PLCH1: variants seen among roughly 807,000 people sequenced by gnomAD.
PLCH1 encodes the protein 1-phosphatidylinositol 4,5-bisphosphate phosphodiesterase eta-1.
A neutral mutation model predicts 126.7 loss-of-function variants in PLCH1; 60 were observed. The observed-to-expected ratio is 0.47, with a 90% CI of 0.38 to 0.59. The LOEUF (loss-of-function observed/expected upper bound fraction) is 0.59, where lower values mean the gene tolerates loss of function less well. Ranked by LOEUF, PLCH1 falls within the 20% of genes least tolerant of loss-of-function variation. The pLI is 0.00. For missense variants in PLCH1, 1,723 were observed against 2,040.0 expected (o/e 0.84, Z 2.99); for synonymous variants, 719 against 734.9 (o/e 0.98, Z 0.35).
intron 2 of PLCH1, among the ~76,000 whole-genome samples, chr3:155,678,811 T>A (rs147677202): frequency 1.2e-3 from 190 of 152,306 alleles, no homozygotes; most frequent in African/African-American, 4.5e-3. Flanking sequence ...ATACAGTAGG[T>A]ACCTTATAGA....
At chr3:155,630,285 T>C (rs1445184340) in intron 2 of PLCH1, among the ~76,000 whole-genome samples, 1 of 152,288 alleles carries the variant, frequency 6.6e-6, no homozygotes, top group Admixed American at 6.5e-5. Context: ...CAGTGAATTT[T>C]AGCATTTAAA....
At chr3:155,519,314 A>T (rs930379573) in intron 11 of PLCH1, among the ~76,000 whole-genome samples, 1 of 152,180 alleles carries the variant, frequency 6.6e-6, no homozygotes, top group Non-Finnish European at 1.5e-5. Flanking sequence ...GGGGGAGAGC[A>T]GTCATTTCAT....
At chr3:155,650,445 C>T (rs1188212595) in intron 2 of PLCH1, among the ~76,000 whole-genome samples, 6 of 152,076 alleles carry the variant, frequency 3.9e-5, no homozygotes, top group South Asian at 2.1e-4. Flanking sequence ...TAGTAGGAAT[C>T]GCTATGACCA....
intron 10 of PLCH1, among the ~76,000 whole-genome samples, chr3:155,547,461 CCATTGTGGAAGT>C (rs1725506416): frequency 2.1e-5 from 3 of 139,888 alleles, no homozygotes; most frequent in Non-Finnish European, 3.2e-5. Flanking sequence ...ACTAGTTCAA[CCATTGTGGAAGT>C]CAGTGTGGCG....
At chr3:155,722,397 G>A (rs762008549) in intron 1 of PLCH1, among the ~76,000 whole-genome samples, 17 of 152,046 alleles carry the variant, frequency 1.1e-4, no homozygotes, top group Admixed American at 3.3e-4. Context: ...CCTGACCTCA[G>A]GTGATCAACC....
At chr3:155,677,703 A>G (rs1744199625) in intron 2 of PLCH1, among the ~76,000 whole-genome samples, 1 of 152,194 alleles carries the variant, frequency 6.6e-6, no homozygotes, top group African/African-American at 2.4e-5. Context: ...TAGAATCACA[A>G]TTATATATTA....
At position 155,608,945 on chromosome 3, in the gene PLCH1, C is replaced by T. The variant is rs146438995; in HGVS notation, c.80-12567G>A. On this transcript the variant is annotated intron_variant, in intron 2 of 22. Coordinates refer to ENST00000460012, the MANE Select transcript of PLCH1 (RefSeq NM_014996.4). ...CTGACTGGAGGTCAACCAACTCAAG[C>T]AATTACAGCAACTCAAGACAGAATA... is the stretch of plus-strand genomic sequence containing the variant. Among the ~76,000 whole-genome samples, 580 of 152,262 alleles carry T rather than the reference C, an allele frequency of 3.8e-3. 9 individuals are homozygous for T. The highest frequency in any genetic ancestry group is 0.013 in the African/African-American group (556 of 41,540).
At chr3:155,546,155 A>T (rs917685080) in intron 10 of PLCH1, among the ~76,000 whole-genome samples, 3 of 152,172 alleles carry the variant, frequency 2.0e-5, no homozygotes, top group African/African-American at 7.2e-5. Flanking sequence ...TCTCAGCCCA[A>T]AATCTCCTTA....
At chr3:155,488,549 A>G (rs1455840368) in intron 20 of PLCH1, 111 bp downstream of exon 20, 2 of 963,362 alleles carry the variant, frequency 2.1e-6, no homozygotes, top group African/African-American at 1.7e-5. Context: ...CATTTATTAC[A>G]TGACACATAT....
intron 1 of PLCH1, among the ~76,000 whole-genome samples, chr3:155,739,233 C>T (rs1403878145): frequency 1.3e-5 from 2 of 152,134 alleles, no homozygotes; most frequent in Non-Finnish European, 2.9e-5. Flanking sequence ...AAAACACTAC[C>T]CGGTCCATTC....
chr3:155,473,944 T>G (rs1269211871), intron 21 of PLCH1, among the ~76,000 whole-genome samples: 6 of 151,642 alleles, frequency 4.0e-5, no homozygotes, highest in African/African-American at 7.3e-5. Flanking sequence ...ATTAAAGACT[T>G]AAACGTTAGA....
intron 2 of PLCH1, among the ~76,000 whole-genome samples, chr3:155,596,868 T>G (rs2108656824): frequency 6.6e-6 from 1 of 152,348 alleles, no homozygotes; most frequent in Middle Eastern, 3.4e-3. Context: ...TTTGTGATGT[T>G]TGAAAATAGC....
At chr3:155,729,026 T>C (rs1184722245) in intron 1 of PLCH1, among the ~76,000 whole-genome samples, 1 of 152,208 alleles carries the variant, frequency 6.6e-6, no homozygotes, top group African/African-American at 2.4e-5. Context: ...CTTATGCTAA[T>C]TGTCTCTAAA....
intron 4 of PLCH1, among the ~76,000 whole-genome samples, chr3:155,587,068 G>C (rs1731468542): frequency 6.6e-6 from 1 of 151,976 alleles, no homozygotes; most frequent in Non-Finnish European, 1.5e-5. Flanking sequence ...TCTCAGTTAT[G>C]CTGCCATGTT....
In PLCH1 at chr3:155,732,112, T is replaced by C. The variant is rs369016885; in HGVS notation, c.-41+12728A>G. ...TGCGTGACAAAGAATACATTATCAA[T>C]GTTTATAGGAACCTCAACAAACTTC... On this transcript the variant is annotated intron_variant, in intron 1 of 22. Coordinates refer to ENST00000460012, the MANE Select transcript of PLCH1 (RefSeq NM_014996.4). Among the ~76,000 whole-genome samples, 17 of 151,820 alleles carry C rather than the reference T, an allele frequency of 1.1e-4. No homozygotes were observed. In the East Asian group the frequency reaches 3.1e-3, roughly 28 times the overall value.
At chr3:155,601,488 T>A (rs983356740) in intron 2 of PLCH1, among the ~76,000 whole-genome samples, 1 of 151,970 alleles carries the variant, frequency 6.6e-6, no homozygotes, top group African/African-American at 2.4e-5. Context: ...AATATACATA[T>A]ATAATACATA....
intron 6 of PLCH1, among the ~76,000 whole-genome samples, chr3:155,576,771 T>G (rs991823761): frequency 6.6e-6 from 1 of 152,232 alleles, no homozygotes; most frequent in Non-Finnish European, 1.5e-5. Flanking sequence ...AACGACTCTT[T>G]CTACACAGTT....
At chr3:155,655,201 C>T (rs914431107) in intron 2 of PLCH1, among the ~76,000 whole-genome samples, 1 of 152,040 alleles carries the variant, frequency 6.6e-6, no homozygotes, top group Admixed American at 6.6e-5. Context: ...TCTGGGAGGC[C>T]AAGTCAGGAG....
chr3:155,705,243 A>G (rs1416875763), intron 1 of PLCH1, among the ~76,000 whole-genome samples: 1 of 152,210 alleles, frequency 6.6e-6, no homozygotes, highest in South Asian at 2.1e-4. Flanking sequence ...AGTGTTGTCT[A>G]TTCATTAATG....
Sources: allele counts gnomAD v4.1 joint callset (sites outside exome capture counted in the v4.1 genomes callset), GRCh38; gene constraint gnomAD v4.1.1; transcripts MANE v1.5; gene names NCBI Gene and HGNC (gene_info 2026-07-23, HGNC 2026-07-21).